CNTN4: variants seen among roughly 807,000 people sequenced by gnomAD.
CNTN4 encodes the protein contactin 4.
In CNTN4, 77 loss-of-function variants were observed where a neutral mutation model predicts 122.5. That is an observed-to-expected ratio of 0.63 (90% confidence interval 0.52 to 0.76). The LOEUF (loss-of-function observed/expected upper bound fraction) is 0.76, where lower values mean the gene tolerates loss of function less well. CNTN4 is among the 30% of genes least tolerant of loss of function. The probability of loss-of-function intolerance (pLI) is 0.00; values close to 1 mark genes in which losing one functional copy is unlikely to be tolerated. For synonymous variants in CNTN4, 512 were observed against 447.0 expected, an observed-to-expected ratio of 1.15 and a Z score of -1.83; for missense variants, 1,256 against 1,259.1, an observed-to-expected ratio of 1.00 and a Z score of 0.04.
intron 3 of CNTN4, among the ~76,000 whole-genome samples, chr3:2,520,012 A>G (rs1321849211): frequency 6.6e-6 from 1 of 152,030 alleles, no homozygotes; most frequent in Non-Finnish European, 1.5e-5. Flanking sequence ...TTAAACCCTA[A>G]TATGTTTCAT....
At chr3:2,418,277 T>C (rs566598678) in intron 3 of CNTN4, among the ~76,000 whole-genome samples, 21 of 152,234 alleles carry the variant, frequency 1.4e-4, no homozygotes, top group African/African-American at 4.1e-4. Flanking sequence ...TTCCCCTCAA[T>C]TTTGCTGTGA....
At chr3:2,573,984 A>G (rs986701718) in intron 4 of CNTN4, among the ~76,000 whole-genome samples, 1 of 152,164 alleles carries the variant, frequency 6.6e-6, no homozygotes, top group Non-Finnish European at 1.5e-5. Flanking sequence ...TGGGAGGCCG[A>G]GGTGGGTGGA....
chr3:2,545,201 T>G (rs1201363975), intron 3 of CNTN4, among the ~76,000 whole-genome samples: 1 of 152,108 alleles, frequency 6.6e-6, no homozygotes, highest in Admixed American at 6.6e-5. Flanking sequence ...TTCTTAGGAT[T>G]GATTTCTATT....
chr3:2,667,687 A>G (rs6794529), intron 4 of CNTN4, among the ~76,000 whole-genome samples: 4,770 of 78,658 alleles, frequency 0.061, 203 homozygotes, highest in African/African-American at 0.083. Flanking sequence ...CCTGAATGGT[A>G]ATGCCTAGGT....
At chr3:2,430,983 A>G (rs2174019) in intron 3 of CNTN4, among the ~76,000 whole-genome samples, 33,994 of 152,130 alleles carry the variant, frequency 0.22, 4,897 homozygotes, top group Non-Finnish European at 0.33. Context: ...ATCTTGTGAA[A>G]TAAATGGAGC....
At position 2,685,565 on chromosome 3, in the gene CNTN4, C is replaced by G. The variant is rs538427219; in HGVS notation, c.56-50650C>G. 2.1e-4 allele frequency among the ~76,000 whole-genome samples: 32 copies of G among 152,038 alleles called. 1 individual carries two copies. Among genetic ancestry groups the G allele is most frequent in the Non-Finnish European group, 3.8e-4 (26 of 67,996 alleles). ...AAATGTGGCTGTTTTGACAATTATG[C>G]AAATAGTGTGAAGATTAAAAACCCA... On this transcript the variant is annotated intron_variant, in intron 4 of 24. Coordinates refer to ENST00000418658, the MANE Select transcript of CNTN4 (RefSeq NM_175607.3).
intron 14 of CNTN4, among the ~76,000 whole-genome samples, chr3:2,997,619 C>A (rs1441976140): frequency 1.6e-4 from 25 of 152,248 alleles, no homozygotes; most frequent in Admixed American, 1.6e-3. Flanking sequence ...AGACTTTAGG[C>A]CTTTAGGTTA....
intron 6 of CNTN4, among the ~76,000 whole-genome samples, chr3:2,792,299 A>C (rs1235696554): frequency 6.6e-6 from 1 of 152,184 alleles, no homozygotes; most frequent in African/African-American, 2.4e-5. Context: ...TGAATCAAAT[A>C]ATAGGAATTT....
chr3:2,720,885 A>G (rs1014503055), intron 4 of CNTN4, among the ~76,000 whole-genome samples: 1 of 152,314 alleles, frequency 6.6e-6, no homozygotes, highest in East Asian at 1.9e-4. Context: ...AACTCACTCA[A>G]TGTTGCATAG....
chr3:2,668,536 A>C (rs1253896510), intron 4 of CNTN4, among the ~76,000 whole-genome samples: 1 of 152,214 alleles, frequency 6.6e-6, no homozygotes, highest in Non-Finnish European at 1.5e-5. Context: ...GGTCATCTGC[A>C]AACAGGGACA....
At chr3:2,359,623 C>T (rs370971754) in intron 3 of CNTN4, among the ~76,000 whole-genome samples, 68 of 152,156 alleles carry the variant, frequency 4.5e-4, no homozygotes, top group African/African-American at 1.3e-3. Flanking sequence ...CACTGCAAGC[C>T]CCGCCTCCCG....
chr3:2,675,130 G>GT (rs1391157250), intron 4 of CNTN4, among the ~76,000 whole-genome samples: 6 of 138,898 alleles, frequency 4.3e-5, no homozygotes, highest in African/African-American at 1.8e-4. Context: ...ACATATATAT[G>GT]TATTTTTTTT....
intron 3 of CNTN4, among the ~76,000 whole-genome samples, chr3:2,479,837 A>G (rs1440358589): frequency 1.3e-5 from 2 of 152,198 alleles, no homozygotes; most frequent in Admixed American, 6.5e-5. Context: ...ACAAACAGAA[A>G]TTTCTCATGA....
chr3:2,559,664 G>T (rs996585704), intron 3 of CNTN4, among the ~76,000 whole-genome samples: 2 of 152,154 alleles, frequency 1.3e-5, no homozygotes, highest in African/African-American at 2.4e-5. Flanking sequence ...TGGAGGTGAG[G>T]CTCTCATAAA....
intron 4 of CNTN4, among the ~76,000 whole-genome samples, chr3:2,655,211 CT>C (rs1254129077): frequency 1.9e-4 from 29 of 152,084 alleles, no homozygotes; most frequent in Non-Finnish European, 4.0e-4. Flanking sequence ...CCTATGTTGC[CT>C]TTTGAATCAT....
Position 3,053,890 on chromosome 3 carries a change from T to C in CNTN4, c.2895T>C (p.Asp965=). 1 of 1,614,134 alleles carries C rather than the reference T, an allele frequency of 6.2e-7. No individual in the cohort carries two copies. Among genetic ancestry groups the C allele is most frequent in the Non-Finnish European group, 8.5e-7 (1 of 1,179,974 alleles). ...CGGTGGAGCTTTCTTTGCCTTTCGATGAAGATTATATAATAGAAATTAAGC... is the reference window on the plus strand; with the variant it reads ...CGGTGGAGCTTTCTTTGCCTTTCGACGAAGATTATATAATAGAAATTAAGC... ...KTSVELSLPF[D]EDYIIEIKPF... is the part of the protein sequence containing the mutation. The change falls in exon 24 of 25, where the codon GAT becomes GAC. Residue 965 remains aspartate, a synonymous_variant. Coordinates refer to ENST00000418658, the MANE Select transcript of CNTN4 (RefSeq NM_175607.3).
intron 14 of CNTN4, among the ~76,000 whole-genome samples, chr3:2,991,310 A>G (rs1437136768): frequency 6.6e-6 from 1 of 152,198 alleles, no homozygotes; most frequent in East Asian, 1.9e-4. Flanking sequence ...CATGAGGTTA[A>G]GGGATGATGT....
At chr3:2,739,211 T>C (rs78279925) in intron 5 of CNTN4, among the ~76,000 whole-genome samples, 2,532 of 152,110 alleles carry the variant, frequency 0.017, 68 homozygotes, top group African/African-American at 0.058. Flanking sequence ...AACTACCAGA[T>C]TGACAAATTT....
intron 4 of CNTN4, among the ~76,000 whole-genome samples, chr3:2,620,491 C>T (rs1465502652): frequency 1.5e-5 from 2 of 136,238 alleles, no homozygotes; most frequent in South Asian, 4.6e-4. Flanking sequence ...CAGAGGGAGA[C>T]CCTGTATCCA....
Sources: gnomAD v4.1 joint callset for allele counts (sites outside exome capture counted in the v4.1 genomes callset) on GRCh38, gnomAD v4.1.1 for gene constraint, MANE v1.5 for transcripts, NCBI Gene and HGNC (gene_info 2026-07-23, HGNC 2026-07-21) for gene names.